Variants in GALNT14 observed in about 807,000 individuals in gnomAD.
GALNT14 encodes the protein UDP-GalNAc:polypeptide N-acetylgalactosaminyltransferase 14.
Under a neutral mutation model 77.5 loss-of-function variants are expected in GALNT14, and 60 were observed. The observed-to-expected ratio is 0.77, with a 90% CI of 0.63 to 0.96. The LOEUF (loss-of-function observed/expected upper bound fraction) is 0.96. GALNT14 is among the 40% of genes least tolerant of loss of function. GALNT14 has a pLI of 0.00. For missense variants in GALNT14, 710 were observed against 731.0 expected (o/e 0.97, Z 0.33); for synonymous variants, 280 against 281.7 (o/e 0.99, Z 0.06).
chr2:30,961,067 C>T (rs1183121234), intron 3 of GALNT14, among the ~76,000 whole-genome samples: 3 of 152,374 alleles, frequency 2.0e-5, no homozygotes, highest in African/African-American at 4.8e-5. Context: ...CGCAGGGCAG[C>T]GTGGGCAGTG....
intron 1 of GALNT14, among the ~76,000 whole-genome samples, chr2:31,116,784 C>T (rs1678126593): frequency 2.0e-5 from 3 of 152,122 alleles, no homozygotes; most frequent in African/African-American, 7.2e-5. Flanking sequence ...GTAGCTCACA[C>T]CTATAATTCC....
At chr2:30,944,596 G>C (rs911825535) in intron 8 of GALNT14, among the ~76,000 whole-genome samples, 2 of 152,180 alleles carry the variant, frequency 1.3e-5, no homozygotes, top group African/African-American at 4.8e-5. Flanking sequence ...TCCGACATTA[G>C]CAGGAGGCAC....
At chr2:30,901,738 A>C in the GALNT14 span, among the ~76,000 whole-genome samples, 3 of 152,060 alleles carry the variant, frequency 2.0e-5, no homozygotes, top group East Asian at 5.8e-4. Flanking sequence ...TAATACACAC[A>C]TCACACCAAT....
intron 1 of GALNT14, among the ~76,000 whole-genome samples, chr2:31,123,512 T>C (rs934962674): frequency 6.6e-6 from 1 of 152,226 alleles, no homozygotes; most frequent in African/African-American, 2.4e-5. Flanking sequence ...ACTAGTGTTA[T>C]GCTTTGAAAC....
intron 1 of GALNT14, among the ~76,000 whole-genome samples, chr2:31,075,747 T>C (rs1020236739): frequency 6.6e-6 from 1 of 152,204 alleles, no homozygotes; most frequent in Admixed American, 6.5e-5. Context: ...ATATTCCATC[T>C]CAATAACATG....
intron 6 of GALNT14, among the ~76,000 whole-genome samples, chr2:30,946,875 A>G (rs2148293526): frequency 6.6e-6 from 1 of 152,202 alleles, no homozygotes; most frequent in East Asian, 1.9e-4. Context: ...TAGCTTCCAG[A>G]CCCAGATATA....
In GALNT14 at chr2:31,083,752, T is replaced by C. The variant is rs1025754073; in HGVS notation, c.129+54206A>G. Among the ~76,000 whole-genome samples the C allele has an allele frequency of 2.0e-5, 3 of 152,134 alleles. No homozygotes were observed. The South Asian group carries it at 6.2e-4, about 31-fold the overall frequency. On this transcript the variant is annotated intron_variant, in intron 1 of 14. Coordinates refer to ENST00000349752, the MANE Select transcript of GALNT14 (RefSeq NM_024572.4). ...AGGAATGACTGTGACGAAGCCATGG[T>C]TCAGTGGGCAGGCACTGCTGCCCTG...
intron 2 of GALNT14, among the ~76,000 whole-genome samples, chr2:30,978,381 T>C (rs1573078732): frequency 1.3e-5 from 2 of 152,222 alleles, no homozygotes; most frequent in South Asian, 4.1e-4. Flanking sequence ...ACGTTTCTAC[T>C]TCTTTAAATT....
chr2:30,993,343 G>T (rs1669833652), intron 1 of GALNT14, among the ~76,000 whole-genome samples: 1 of 152,210 alleles, frequency 6.6e-6, no homozygotes, highest in South Asian at 2.1e-4. Flanking sequence ...GGAGAGGTAA[G>T]TACCTTGCCC....
Position 31,085,025 on chromosome 2 carries a change from TAA to T in GALNT14, c.129+52931_129+52932del, listed in dbSNP as rs70962301. Among the ~76,000 whole-genome samples, 499 of 145,658 alleles carry T rather than the reference TAA, an allele frequency of 3.4e-3. 2 individuals carry two copies. The highest frequency in any genetic ancestry group is 9.1e-3 in the African/African-American group (359 of 39,658). On this transcript the variant is annotated intron_variant, in intron 1 of 14. Coordinates refer to ENST00000349752, the MANE Select transcript of GALNT14 (RefSeq NM_024572.4). ...CAGGGTGACAGAACGAGACTCCATC[TAA>T]AAAAAAAAAAAAGTAACATGTGTGA...
the GALNT14 span, among the ~76,000 whole-genome samples, chr2:30,897,703 AG>A: frequency 6.6e-6 from 1 of 152,178 alleles, no homozygotes; most frequent in Non-Finnish European, 1.5e-5. Flanking sequence ...TCAGCAGAGG[AG>A]GCCGGGACCC....
intron 1 of GALNT14, among the ~76,000 whole-genome samples, chr2:31,123,628 G>A (rs929980997): frequency 8.5e-5 from 13 of 152,118 alleles, no homozygotes; most frequent in South Asian, 2.1e-4. Flanking sequence ...CTAATAAGCA[G>A]CCCTGTGGAA....
intron 10 of GALNT14, among the ~76,000 whole-genome samples, chr2:30,930,499 C>T (rs1018069971): frequency 1.3e-5 from 2 of 152,220 alleles, no homozygotes; most frequent in African/African-American, 2.4e-5. Context: ...GACAGAGAGA[C>T]AGACACTAAG....
chr2:31,068,331 AC>A (rs1675116081), intron 1 of GALNT14, among the ~76,000 whole-genome samples: 1 of 152,058 alleles, frequency 6.6e-6, no homozygotes, highest in African/African-American at 2.4e-5. Flanking sequence ...TACTAAAAAT[AC>A]AAAAATTAGC....
At chr2:31,012,195 C>G (rs1655032963) in intron 1 of GALNT14, among the ~76,000 whole-genome samples, 1 of 152,144 alleles carries the variant, frequency 6.6e-6, no homozygotes, top group African/African-American at 2.4e-5. Context: ...ACGGTTGGAT[C>G]CCACTCACAG....
chr2:31,010,767 C>T (rs968215657), intron 1 of GALNT14, among the ~76,000 whole-genome samples: 1 of 152,322 alleles, frequency 6.6e-6, no homozygotes, highest in East Asian at 1.9e-4. Flanking sequence ...CCCTCCCCAT[C>T]CCTCTTAGCT....
At chr2:30,924,526 T>C (rs1337750481) in intron 12 of GALNT14, among the ~76,000 whole-genome samples, 1 of 152,174 alleles carries the variant, frequency 6.6e-6, no homozygotes, top group Non-Finnish European at 1.5e-5. Flanking sequence ...AGGTGAGAAA[T>C]ACTGCTACTG....
intron 8 of GALNT14, 68 bp from the exon 9 acceptor site, chr2:30,942,372 C>T (rs1281212841): frequency 1.6e-6 from 2 of 1,229,968 alleles, no homozygotes; most frequent in Non-Finnish European, 2.4e-6. Flanking sequence ...ATTCTTCGGC[C>T]CCTTGAGTCT....
intron 13 of GALNT14, among the ~76,000 whole-genome samples, chr2:30,922,741 A>C (rs1370853652): frequency 1.3e-5 from 2 of 152,250 alleles, no homozygotes; most frequent in Non-Finnish European, 2.9e-5. Flanking sequence ...AGATTACATC[A>C]TACTACTTTC....
Sources: allele counts gnomAD v4.1 joint callset (sites outside exome capture counted in the v4.1 genomes callset), GRCh38; gene constraint gnomAD v4.1.1; transcripts MANE v1.5; gene names NCBI Gene and HGNC (gene_info 2026-07-23, HGNC 2026-07-21).